The following ITGA11 variants were observed in gnomAD, a reference collection of about 807,000 sequenced individuals.
The protein encoded by ITGA11 is integrin alpha-11.
In ITGA11, 97 loss-of-function variants were observed where a neutral mutation model predicts 141.9. The observed-to-expected ratio is 0.68, with a 90% CI of 0.58 to 0.81. The LOEUF (loss-of-function observed/expected upper bound fraction) is 0.81, where lower values mean the gene tolerates loss of function less well. Among genes scored for constraint, ITGA11 ranks in the 30% least tolerant of loss-of-function variants. The pLI, the probability that ITGA11 is intolerant of heterozygous loss-of-function variation, is 0.00. For missense variants in ITGA11, 1,387 were observed against 1,559.2 expected (o/e 0.89, Z 1.86); for synonymous variants, 658 against 624.6 (o/e 1.05, Z -0.80).
chr15:68,345,728 G>C (rs979772245), intron 10 of ITGA11, among the ~76,000 whole-genome samples: 1 of 152,218 alleles, frequency 6.6e-6, no homozygotes, highest in Non-Finnish European at 1.5e-5. Flanking sequence ...TTGCCTGGGA[G>C]ACAGACATGC....
intron 1 of ITGA11, among the ~76,000 whole-genome samples, chr15:68,407,877 C>T (rs1896685055): frequency 6.6e-6 from 1 of 152,226 alleles, no homozygotes; most frequent in Non-Finnish European, 1.5e-5. Context: ...AGTCCTGGTC[C>T]CAGGTGCTGA....
chr15:68,413,384 T>G lies in ITGA11; in HGVS notation c.53-10355A>C, dbSNP rs1427642174. On this transcript the variant is annotated intron_variant, in intron 1 of 29. Transcript: ENST00000315757. The stretch of plus-strand genomic sequence containing the variant: ...GGCCCTTCAGTTCAATAAACCTCTA[T>G]TTGGGGTCTATGGAGCTCCAGGTTC... Among the ~76,000 whole-genome samples, 3 of 152,182 alleles carry G rather than the reference T, an allele frequency of 2.0e-5. No individual in the cohort carries two copies. The East Asian group carries it at 5.8e-4, about 29-fold the overall frequency.
chr15:68,338,679 T>C (rs7179545), intron 11 of ITGA11, among the ~76,000 whole-genome samples: 132,987 of 152,246 alleles, frequency 0.87, 58,764 homozygotes, highest in South Asian at 0.95. Context: ...GAACAAAGGT[T>C]GGGATGGGAT....
chr15:68,429,312 C>T (rs1897216627), intron 1 of ITGA11, among the ~76,000 whole-genome samples: 1 of 152,226 alleles, frequency 6.6e-6, no homozygotes, highest in South Asian at 2.1e-4. Flanking sequence ...CACCCTTACG[C>T]TGTGTCTGAT....
At chr15:68,397,633 T>C (rs1290944965) in intron 2 of ITGA11, among the ~76,000 whole-genome samples, 1 of 115,540 alleles carries the variant, frequency 8.7e-6, no homozygotes, top group Non-Finnish European at 1.6e-5. Flanking sequence ...TTATATTTAA[T>C]ATATATTTAA....
chr15:68,327,059 G>A (rs1893997865), intron 16 of ITGA11, among the ~76,000 whole-genome samples: 1 of 151,926 alleles, frequency 6.6e-6, no homozygotes, highest in Non-Finnish European at 1.5e-5. Flanking sequence ...CACCGCAGAT[G>A]AGGAGGGGAG....
chr15:68,414,775 T>G (rs1190229394), intron 1 of ITGA11, among the ~76,000 whole-genome samples: 2 of 152,158 alleles, frequency 1.3e-5, no homozygotes, highest in Non-Finnish European at 2.9e-5. Context: ...CTCCTTCCCC[T>G]CTAGCACTTG....
rs994583475 is a variant in ITGA11 at position 68,319,471 on chromosome 15, C to T, written c.2616+714G>A. 4.6e-5 allele frequency among the ~76,000 whole-genome samples: 7 copies of T among 152,282 alleles called. 1 individual carries two copies. Among genetic ancestry groups the T allele is most frequent in the Middle Eastern group, 6.8e-3 (2 of 294 alleles). On this transcript the variant is annotated intron_variant, in intron 20 of 29. Coordinates refer to ENST00000315757, the MANE Select transcript of ITGA11 (RefSeq NM_001004439.2). ...GGGGCCATGGTGGGAACCAGCAGGG[C>T]GTGCTGGGAACAAGGTGGCCCGTGG... is the stretch of plus-strand genomic sequence containing the variant.
chr15:68,351,394 G>A lies in ITGA11; in HGVS notation c.758C>T (p.Ala253Val), dbSNP rs762884478. The A allele has an allele frequency of 1.7e-5, 28 of 1,613,872 alleles. No homozygotes were observed. The South Asian group carries it at 2.9e-4, about 16-fold the overall frequency. The change falls in exon 8 of 30, where the codon GCT becomes GTT. Residue 253 changes from alanine to valine, a missense_variant. Coordinates refer to ENST00000315757, the MANE Select transcript of ITGA11 (RefSeq NM_001004439.2). ...TCCTTTCCTTCCACCCTTCTGGAAA[G>A]CCTCTGAGCTGGAAGCCAAGCACAG... Reference protein sequence around the residue: ...AFGIEFARSEAFQKGGRKGAK... With the variant: ...AFGIEFARSEVFQKGGRKGAK...
In ITGA11 at chr15:68,431,317, T is replaced by A. The variant is rs546851860; in HGVS notation, c.52+698A>T. On this transcript the variant is annotated intron_variant, in intron 1 of 29. Transcript: ENST00000315757. The stretch of plus-strand genomic sequence containing the variant: ...GGCTTTCCCCAGATTATTGAATAAT[T>A]GCATAATTCCGAGCGCGGGTTGGGA... Among the ~76,000 whole-genome samples the A allele has an allele frequency of 7.9e-5, 12 of 152,260 alleles. No individual in the cohort carries two copies. The East Asian group carries it at 2.3e-3, about 30-fold the overall frequency.
At position 68,324,454 on chromosome 15, in the gene ITGA11, A is replaced by G. The variant is rs147351876; in HGVS notation, c.2322+677T>C. On this transcript the variant is annotated intron_variant, in intron 18 of 29. Transcript: ENST00000315757. This position sits in a 1 kb window ranked among gnomAD's most constrained non-coding sequence, Gnocchi z 6.3. ...AATCCTCAAGGTTCAGGCATTAGCT[A>G]TTCCATTTTATAACTTTTGCCTGCT... Among the ~76,000 whole-genome samples, 545 of 152,264 alleles carry G rather than the reference A, an allele frequency of 3.6e-3. 4 individuals carry two copies. The highest frequency in any genetic ancestry group is 0.014 in the Middle Eastern group (4 of 294).
intron 3 of ITGA11, among the ~76,000 whole-genome samples, chr15:68,366,125 T>G (rs1895413634): frequency 6.6e-6 from 1 of 152,208 alleles, no homozygotes. Context: ...TTGGCTGTGC[T>G]AAGAATGACT....
At chr15:68,373,036 G>A (rs1895635738) in intron 2 of ITGA11, among the ~76,000 whole-genome samples, 2 of 151,876 alleles carry the variant, frequency 1.3e-5, no homozygotes, top group South Asian at 4.2e-4. Flanking sequence ...AACCTAAATA[G>A]AACTCACATT....
chr15:68,312,162 C>T (rs1893409726), intron 24 of ITGA11, among the ~76,000 whole-genome samples: 1 of 152,256 alleles, frequency 6.6e-6, no homozygotes, highest in African/African-American at 2.4e-5. Flanking sequence ...CTCTCATTCT[C>T]CCACTTTCCT....
chr15:68,313,989 C>T, intron 22 of ITGA11, 121 bp from the exon 23 acceptor site: 1 of 704,934 alleles, frequency 1.4e-6, no homozygotes, highest in Non-Finnish European at 2.5e-6. Context: ...GGGCACCAGA[C>T]AGGCCAGACA....
Position 68,328,726 on chromosome 15 carries a change from C to T in ITGA11, c.1902-464G>A, listed in dbSNP as rs1290244154. The stretch of plus-strand genomic sequence containing the variant: ...CCTCTGAAATTTTCATATGTGTGCA[C>T]GCCCCCTGGGGATCATGTTAAAATG... On this transcript the variant is annotated intron_variant, in intron 15 of 29. Coordinates refer to ENST00000315757, the MANE Select transcript of ITGA11 (RefSeq NM_001004439.2). The surrounding 1 kb of genome is among the most constrained non-coding windows in gnomAD (Gnocchi z 4.8). Among the ~76,000 whole-genome samples the T allele has an allele frequency of 3.3e-5, 5 of 152,182 alleles. No homozygotes were observed. The highest frequency in any genetic ancestry group is 5.9e-5 in the Non-Finnish European group (4 of 68,038).
chr15:68,397,784 AAAAT>A (rs1465787350), intron 2 of ITGA11, among the ~76,000 whole-genome samples: 1 of 111,944 alleles, frequency 8.9e-6, no homozygotes, highest in Non-Finnish European at 1.7e-5. Context: ...AAATATATTT[AAAAT>A]AATATAAAAT....
intron 15 of ITGA11, among the ~76,000 whole-genome samples, chr15:68,330,370 G>A (rs1320510854): frequency 2.0e-5 from 3 of 151,902 alleles, no homozygotes; most frequent in South Asian, 2.1e-4. Flanking sequence ...TAGTGGCATT[G>A]TTAAGGTGAT....
At chr15:68,430,090 C>T (rs1897235037) in intron 1 of ITGA11, among the ~76,000 whole-genome samples, 1 of 152,184 alleles carries the variant, frequency 6.6e-6, no homozygotes, top group African/African-American at 2.4e-5. Context: ...GTCATTGTTC[C>T]AACATTGATT....
Sources: allele counts gnomAD v4.1 joint callset (sites outside exome capture counted in the v4.1 genomes callset), GRCh38; gene constraint gnomAD v4.1.1; non-coding constraint Gnocchi (gnomAD v3.1); transcripts MANE v1.5; gene names NCBI Gene and HGNC (gene_info 2026-07-23, HGNC 2026-07-21).